GPR160: variants seen among roughly 807,000 people sequenced by gnomAD.
The protein encoded by GPR160 is G protein-coupled receptor 160.
In GPR160, 2 loss-of-function variants were observed where a neutral mutation model predicts 2.6. That is an observed-to-expected ratio of 0.77 (90% CI 0.32 to 2.44). GPR160 has a LOEUF of 2.44. Ranked by LOEUF, GPR160 falls within the 30% of genes most tolerant of loss-of-function variation. GPR160 has a pLI of 0.11. For missense variants in GPR160, 351 were observed against 383.6 expected (o/e 0.91, Z 0.71); for synonymous variants, 130 against 132.2 (o/e 0.98, Z 0.12).
intron 2 of GPR160, among the ~76,000 whole-genome samples, chr3:170,039,688 G>A (rs1160834661): frequency 6.6e-6 from 1 of 152,230 alleles, no homozygotes; most frequent in Non-Finnish European, 1.5e-5. Context: ...CAGCCTGGGA[G>A]GCAGAGCGAG....
intron 2 of GPR160, among the ~76,000 whole-genome samples, chr3:170,071,373 C>A (rs1034184277): frequency 2.1e-4 from 32 of 152,198 alleles, no homozygotes; most frequent in Non-Finnish European, 4.0e-4. Flanking sequence ...CTGCTCTCGC[C>A]ATGTGAGATG....
At chr3:170,065,509 C>A (rs1432894284) in intron 2 of GPR160, among the ~76,000 whole-genome samples, 1 of 152,182 alleles carries the variant, frequency 6.6e-6, no homozygotes, top group African/African-American at 2.4e-5. Context: ...TTTCCTGGAC[C>A]GCATGTATTG....
rs1716316580 is a variant in GPR160 at position 170,038,836 on chromosome 3, T to A, written c.-321-79T>A. 6.6e-6 allele frequency: 1 copy of A among 152,124 alleles called. No individual in the cohort carries two copies. Among genetic ancestry groups the A allele is most frequent in the Admixed American group, 6.5e-5 (1 of 15,288 alleles). 9.4% of individuals were successfully genotyped at this position (152,124 alleles called of 1,614,324 possible). On this transcript the variant is annotated intron_variant, in intron 1 of 3. Coordinates refer to ENST00000355897, the MANE Select transcript of GPR160 (RefSeq NM_014373.3). The surrounding 1 kb of genome is among the most constrained non-coding windows in gnomAD (Gnocchi z 5.3). ...TAGGTTCCTGGATGACCATCCTGGCTGGCTCAAAATTCCCTCTAGATTACC... is the reference window on the plus strand; with the variant it reads ...TAGGTTCCTGGATGACCATCCTGGCAGGCTCAAAATTCCCTCTAGATTACC...
intron 2 of GPR160, among the ~76,000 whole-genome samples, chr3:170,041,053 C>T (rs1480588710): frequency 6.6e-6 from 1 of 152,056 alleles, no homozygotes; most frequent in Non-Finnish European, 1.5e-5. Flanking sequence ...TTGGTCAGTA[C>T]TTTGGAATAG....
intron 3 of GPR160, among the ~76,000 whole-genome samples, chr3:170,082,972 G>GTT (rs1559994358): frequency 3.0e-5 from 4 of 134,732 alleles, no homozygotes; most frequent in African/African-American, 7.7e-5. Flanking sequence ...TCATTTTTGG[G>GTT]GTTTTTTTTT....
chr3:170,084,309 T>G lies in GPR160; in HGVS notation c.337T>G (p.Phe113Val). ...FTYGFLHYPV[F>V]LTACIDYCLN... ...TTATGGCTTTTTGCATTATCCAGTT[T>G]TCCTGACAGCTTGTATAGATTATTG... The change falls in exon 4 of 4, where the codon TTC (phenylalanine) becomes GTC (valine). Residue 113 changes from phenylalanine (F) to valine (V), a missense_variant. Coordinates refer to ENST00000355897, the MANE Select transcript of GPR160 (RefSeq NM_014373.3). 1 of 1,609,340 alleles carries G rather than the reference T, an allele frequency of 6.2e-7. No individual in the cohort carries two copies. The highest frequency in any genetic ancestry group is 8.5e-7 in the Non-Finnish European group (1 of 1,176,858).
At position 170,085,132 on chromosome 3, in the gene GPR160, TATG is replaced by T. The variant is rs200867416; in HGVS notation, c.*146_*148del. On this transcript the variant is annotated 3_prime_UTR_variant, in exon 4 of 4. Transcript: ENST00000355897. The stretch of plus-strand genomic sequence containing the variant: ...TTTCAGAATGTGTCTTTTGAAGGGC[TATG>T]ATACCAGTTATTAAATAGTGTTTTA... 0.015 allele frequency: 7,131 copies of T among 470,080 alleles called. 72 individuals carry two copies. The highest frequency in any genetic ancestry group is 0.019 in the Non-Finnish European group (4,985 of 260,412). The allele number at this position is 470,080 out of a possible 1,614,324, so 29.1% of individuals were successfully genotyped here.
intron 3 of GPR160, among the ~76,000 whole-genome samples, chr3:170,080,893 G>C: frequency 6.6e-6 from 1 of 152,112 alleles, no homozygotes; most frequent in East Asian, 1.9e-4. Flanking sequence ...TAGAGACTAG[G>C]TTTCACCATG....
chr3:170,039,815 C>A (rs1264835179), intron 2 of GPR160, among the ~76,000 whole-genome samples: 5 of 152,180 alleles, frequency 3.3e-5, no homozygotes, highest in Non-Finnish European at 5.9e-5. Flanking sequence ...GTAACGGTAT[C>A]CTGATTAAGG....
intron 2 of GPR160, among the ~76,000 whole-genome samples, chr3:170,042,110 GCTTTCATCTGCATCACCTCATCC>G (rs1716477244): frequency 6.6e-6 from 1 of 152,262 alleles, no homozygotes; most frequent in Admixed American, 6.5e-5. Context: ...TAAACACTTC[GCTTTCATCTGCATCACCTCATCC>G]CATCCTGTGA....
chr3:170,046,937 C>T (rs748492902), intron 2 of GPR160, among the ~76,000 whole-genome samples: 5 of 152,070 alleles, frequency 3.3e-5, no homozygotes, highest in Non-Finnish European at 5.9e-5. Context: ...GAGGAGGAAG[C>T]ACTTTAGAGA....
At chr3:170,061,563 TC>T (rs1182287814) in intron 2 of GPR160, among the ~76,000 whole-genome samples, 1 of 152,136 alleles carries the variant, frequency 6.6e-6, no homozygotes, top group Non-Finnish European at 1.5e-5. Context: ...AATGATGGTA[TC>T]ATAGTTATGA....
chr3:170,069,185 G>A lies in GPR160; in HGVS notation c.-192-10589G>A, dbSNP rs533217323. On this transcript the variant is annotated intron_variant, in intron 2 of 3. Transcript: ENST00000355897. ...TCATTCTTACTCCGCAGTTGGAGAG[G>A]GAGTCATTTGCTGCACTGAGTCAGG... Among the ~76,000 whole-genome samples the A allele has an allele frequency of 3.9e-5, 6 of 152,296 alleles. No individual in the cohort carries two copies. The South Asian group carries it at 1.2e-3, about 32-fold the overall frequency.
chr3:170,063,839 C>T (rs923292350), intron 2 of GPR160, among the ~76,000 whole-genome samples: 6 of 152,088 alleles, frequency 3.9e-5, no homozygotes, highest in African/African-American at 1.4e-4. Flanking sequence ...GAGCTCGTGG[C>T]CCTGAGCGCG....
At chr3:170,062,902 G>C (rs1712045240) in intron 2 of GPR160, 1 of 371,336 alleles carries the variant, frequency 2.7e-6, no homozygotes, top group Non-Finnish European at 5.0e-6. Context: ...AGCTCTCCCG[G>C]GGCGCCTTTG....
intron 2 of GPR160, among the ~76,000 whole-genome samples, chr3:170,076,438 G>A (rs1325960011): frequency 6.6e-6 from 1 of 152,092 alleles, no homozygotes; most frequent in East Asian, 1.9e-4. Context: ...ACCTTTTGGA[G>A]GGATAAAATT....
At chr3:170,041,607 G>A (rs1313335221) in intron 2 of GPR160, among the ~76,000 whole-genome samples, 2 of 152,200 alleles carry the variant, frequency 1.3e-5, no homozygotes. Context: ...TTCGGTTGAG[G>A]AATGCTGAAG....
Position 170,047,694 on chromosome 3 carries a change from GTATATACACATCACATATACACATACA to G in GPR160, c.-193+8679_-193+8705del, listed in dbSNP as rs545153617. ...AGTGGATAAAGAATATGTGATATAT[GTATATACACATCACATATACACATACA>G]TATATACACATCACATATACACATA... On this transcript the variant is annotated intron_variant, in intron 2 of 3. Transcript: ENST00000355897. Among the ~76,000 whole-genome samples the G allele has an allele frequency of 9.0e-3, 1,362 of 152,018 alleles. 15 individuals are homozygous for G. Among genetic ancestry groups the G allele is most frequent in the African/African-American group, 0.031 (1,292 of 41,434 alleles).
intron 2 of GPR160, among the ~76,000 whole-genome samples, chr3:170,039,613 G>A (rs1716361146): frequency 6.6e-5 from 10 of 152,194 alleles, no homozygotes; most frequent in Admixed American, 6.5e-4. Context: ...GAAGGCTGAG[G>A]TAGGAGAATC....
Sources: allele counts gnomAD v4.1 joint callset (sites outside exome capture counted in the v4.1 genomes callset), GRCh38; gene constraint gnomAD v4.1.1; non-coding constraint Gnocchi (gnomAD v3.1); transcripts MANE v1.5; gene names NCBI Gene and HGNC (gene_info 2026-07-23, HGNC 2026-07-21).